Variants in ASPA observed in about 807,000 individuals in gnomAD.
ASPA encodes the protein ACY-2.
A neutral mutation model predicts 29.6 loss-of-function variants in ASPA; 25 were observed. That is an observed-to-expected ratio of 0.85 (90% CI 0.62 to 1.18). The LOEUF is 1.18. ASPA is among the 50% of genes most tolerant of loss of function. ASPA has a pLI of 0.00. For missense variants in ASPA, 333 were observed against 385.7 expected (o/e 0.86, Z 1.14); for synonymous variants, 131 against 130.3 (o/e 1.01, Z -0.04).
chr17:3,485,826 G>C lies in ASPA; in HGVS notation c.526+2234G>C, dbSNP rs555498079. On this transcript the variant is annotated intron_variant, in intron 3 of 5. Transcript: ENST00000263080. This position sits in a 1 kb window ranked among gnomAD's most constrained non-coding sequence, Gnocchi z 4.4. ...TAGATTATTGACAGTAGTAATAGCAGAGTGTCAGCATTTCTGCACCATTAC... is the reference window on the plus strand; with the variant it reads ...TAGATTATTGACAGTAGTAATAGCACAGTGTCAGCATTTCTGCACCATTAC... 6.6e-6 allele frequency among the ~76,000 whole-genome samples: 1 copy of C among 152,284 alleles called. No homozygotes were observed. Among genetic ancestry groups the C allele is most frequent in the Admixed American group, 6.5e-5 (1 of 15,294 alleles).
At chr17:3,479,273 G>T (rs2073585954) in intron 1 of ASPA, among the ~76,000 whole-genome samples, 1 of 152,132 alleles carries the variant, frequency 6.6e-6, no homozygotes, top group Non-Finnish European at 1.5e-5. Context: ...AAAACTTCCA[G>T]ACTTGACTCT....
chr17:3,476,820 T>C (rs776070364), intron 1 of ASPA, among the ~76,000 whole-genome samples: 6 of 152,198 alleles, frequency 3.9e-5, no homozygotes, highest in Non-Finnish European at 8.8e-5. Context: ...CGGTAATGCA[T>C]AAAGTTCTAG....
chr17:3,494,515 A>G, intron 5 of ASPA, 56 bp downstream of exon 5: 1 of 1,407,508 alleles, frequency 7.1e-7, no homozygotes, highest in Non-Finnish European at 1.0e-6. Flanking sequence ...ACCTTTGAAT[A>G]GAAGTTTATA....
chr17:3,489,142 A>G, intron 3 of ASPA, 93 bp from the exon 4 acceptor site: 1 of 818,830 alleles, frequency 1.2e-6, no homozygotes, highest in Non-Finnish European at 2.0e-6. Flanking sequence ...AATTTTAACA[A>G]CATAATTCTA....
intron 3 of ASPA, among the ~76,000 whole-genome samples, chr17:3,487,600 G>C (rs879746434): frequency 3.3e-5 from 5 of 152,126 alleles, no homozygotes; most frequent in Non-Finnish European, 5.9e-5. Flanking sequence ...CCTTTGATTT[G>C]TTTCAGCTAA....
chr17:3,494,759 T>C (rs776006550), intron 5 of ASPA, among the ~76,000 whole-genome samples: 1 of 152,148 alleles, frequency 6.6e-6, no homozygotes, highest in Non-Finnish European at 1.5e-5. Flanking sequence ...GATGACAGAA[T>C]AATGAGATGG....
intron 4 of ASPA, among the ~76,000 whole-genome samples, chr17:3,493,215 C>T (rs1419478235): frequency 1.3e-5 from 2 of 152,176 alleles, no homozygotes. Flanking sequence ...GGCAGGCTGC[C>T]TGCATCACAA....
At chr17:3,474,582 C>CT (rs1052622669), upstream of ASPA, among the ~76,000 whole-genome samples, 2 of 151,394 alleles carry the variant, frequency 1.3e-5, no homozygotes, top group Admixed American at 6.6e-5. Context: ...CCTACAGGAG[C>CT]TTTTTTTTTC....
chr17:3,480,168 G>A (rs1292635612), intron 1 of ASPA, among the ~76,000 whole-genome samples: 1 of 152,212 alleles, frequency 6.6e-6, no homozygotes, highest in Non-Finnish European at 1.5e-5. Context: ...GCCAAGGCAG[G>A]AGGATTGCCT....
intron 1 of ASPA, among the ~76,000 whole-genome samples, chr17:3,481,281 G>T (rs1245400371): frequency 6.6e-6 from 1 of 152,104 alleles, no homozygotes; most frequent in Non-Finnish European, 1.5e-5. Flanking sequence ...CTAAGAAACT[G>T]TTCATTAAAT....
chr17:3,483,449 A>G, intron 2 of ASPA, 50 bp from the exon 3 acceptor site: 2 of 1,505,710 alleles, frequency 1.3e-6, no homozygotes, highest in South Asian at 2.3e-5. Context: ...AAGCAAAGAG[A>G]ACAAAACATA....
intron 2 of ASPA, among the ~76,000 whole-genome samples, chr17:3,482,593 G>A (rs1225229173): frequency 6.6e-6 from 1 of 152,008 alleles, no homozygotes; most frequent in African/African-American, 2.4e-5. Context: ...TATAAAATTG[G>A]TGTCATAACA....
At chr17:3,484,473 G>C (rs9902120) in intron 3 of ASPA, among the ~76,000 whole-genome samples, 42,230 of 151,926 alleles carry the variant, frequency 0.28, 6,373 homozygotes, top group East Asian at 0.57. Flanking sequence ...GATCACAGAA[G>C]GCCCAAAGAA....
At chr17:3,492,463 T>C (rs974835145) in intron 4 of ASPA, among the ~76,000 whole-genome samples, 1 of 152,230 alleles carries the variant, frequency 6.6e-6, no homozygotes, top group African/African-American at 2.4e-5. Context: ...TAGATTTTAA[T>C]TCTTCCCTTT....
chr17:3,492,609 C>G (rs1281659223), intron 4 of ASPA, among the ~76,000 whole-genome samples: 1 of 152,212 alleles, frequency 6.6e-6, no homozygotes, highest in Non-Finnish European at 1.5e-5. Flanking sequence ...AAAGCACTTG[C>G]ACATTGGAGC....
At chr17:3,494,707 C>T (rs539118128) in intron 5 of ASPA, among the ~76,000 whole-genome samples, 21 of 152,154 alleles carry the variant, frequency 1.4e-4, no homozygotes, top group African/African-American at 4.8e-4. Flanking sequence ...TGTAGGTACA[C>T]AAAAGTCTAA....
upstream of ASPA, among the ~76,000 whole-genome samples, chr17:3,474,639 C>T (rs1361100540): frequency 6.6e-6 from 1 of 152,052 alleles, no homozygotes; most frequent in Admixed American, 6.6e-5. Flanking sequence ...GGTTATTTTG[C>T]TTTCTCTATC....
chr17:3,499,239 T>G lies in ASPA; in HGVS notation c.*151T>G. Reference sequence around the variant, plus strand: ...AGGCATCTAAGCACATTTCTTAAATTAATTAATATATCTTTAAAGATATCA... The same window carrying G: ...AGGCATCTAAGCACATTTCTTAAATGAATTAATATATCTTTAAAGATATCA... On this transcript the variant is annotated 3_prime_UTR_variant, in exon 6 of 6. Transcript: ENST00000263080. 1.6e-6 allele frequency: 1 copy of G among 620,770 alleles called. No individual in the cohort carries two copies. The highest frequency in any genetic ancestry group is 2.6e-5 in the South Asian group (1 of 38,438). 38.5% of individuals were successfully genotyped at this position (620,770 alleles called of 1,614,324 possible). A position where few individuals can be genotyped will look rare whatever the true frequency, so the allele number is the denominator to read the frequency against.
chr17:3,496,826 G>A (rs2073915722), intron 5 of ASPA, among the ~76,000 whole-genome samples: 1 of 152,202 alleles, frequency 6.6e-6, no homozygotes, highest in Non-Finnish European at 1.5e-5. Context: ...CAGCGCTTTG[G>A]GAGGCCGAGG....
Sources: gnomAD v4.1 joint callset for allele counts (sites outside exome capture counted in the v4.1 genomes callset) on GRCh38, gnomAD v4.1.1 for gene constraint, Gnocchi (gnomAD v3.1) non-coding constraint, MANE v1.5 for transcripts, NCBI Gene and HGNC (gene_info 2026-07-23, HGNC 2026-07-21) for gene names.